NFIB: variants seen among roughly 807,000 people sequenced by gnomAD.
NFIB encodes the protein nuclear factor I B, also known as nuclear factor 1 B-type.
A neutral mutation model predicts 61.5 loss-of-function variants in NFIB; 11 were observed. The ratio of observed to expected loss-of-function variants is 0.18; its 90% CI spans 0.11 to 0.30. NFIB has a LOEUF of 0.30. NFIB is among the 10% of genes least tolerant of loss of function. NFIB has a pLI of 1.00. For synonymous variants in NFIB, 260 were observed against 216.5 expected (o/e 1.20, Z -1.76); for missense variants, 471 against 608.9 (o/e 0.77, Z 2.38).
chr9:14,326,593 C>A (rs1474538642), intron 1 of NFIB, among the ~76,000 whole-genome samples: 1 of 151,904 alleles, frequency 6.6e-6, no homozygotes, highest in South Asian at 2.1e-4. Flanking sequence ...CCTTACCAAC[C>A]CCCGGCTATG....
intron 1 of NFIB, among the ~76,000 whole-genome samples, chr9:14,366,279 C>A (rs910714587): frequency 6.6e-6 from 1 of 152,150 alleles, no homozygotes; most frequent in Non-Finnish European, 1.5e-5. Context: ...TTTCTTTTAA[C>A]CTCGCGTCTG....
chr9:14,380,471 A>G (rs1372073832), intron 1 of NFIB, among the ~76,000 whole-genome samples: 1 of 152,224 alleles, frequency 6.6e-6, no homozygotes, highest in African/African-American at 2.4e-5. Flanking sequence ...GTCTTCATTC[A>G]CTTTGCATCA....
At chr9:14,489,094 C>T in the NFIB span, among the ~76,000 whole-genome samples, 3 of 152,144 alleles carry the variant, frequency 2.0e-5, no homozygotes, top group South Asian at 2.1e-4. Context: ...TTTCCTCCAG[C>T]GGAAAGAATA....
At chr9:14,208,277 T>C (rs1395286456) in intron 2 of NFIB, among the ~76,000 whole-genome samples, 2 of 152,186 alleles carry the variant, frequency 1.3e-5, no homozygotes, top group East Asian at 1.9e-4. Context: ...ACGTGTTCAG[T>C]GTAGTGGCAG....
chr9:14,259,707 C>G (rs1165322918), intron 2 of NFIB, among the ~76,000 whole-genome samples: 1 of 152,102 alleles, frequency 6.6e-6, no homozygotes, highest in South Asian at 2.1e-4. Context: ...TTAAGACCAG[C>G]GTGGGAAACA....
intron 3 of NFIB, among the ~76,000 whole-genome samples, chr9:14,177,835 T>TA (rs765718885): frequency 6.6e-6 from 1 of 152,088 alleles, no homozygotes. Context: ...AACAGAGAAA[T>TA]AAAGAGATGC....
the NFIB span, among the ~76,000 whole-genome samples, chr9:14,453,514 CA>C: frequency 6.6e-6 from 1 of 152,322 alleles, no homozygotes; most frequent in East Asian, 1.9e-4. Flanking sequence ...TTAATGTCAA[CA>C]GAGACATATG....
At chr9:14,198,096 G>A (rs773688655) in intron 2 of NFIB, among the ~76,000 whole-genome samples, 2 of 152,056 alleles carry the variant, frequency 1.3e-5, no homozygotes, top group Non-Finnish European at 2.9e-5. Flanking sequence ...TCAGGTTTAG[G>A]CACTTTAAGA....
chr9:14,236,571 T>G (rs2053767919), intron 2 of NFIB, among the ~76,000 whole-genome samples: 1 of 152,224 alleles, frequency 6.6e-6, no homozygotes, highest in African/African-American at 2.4e-5. Context: ...CGTGCTGGAC[T>G]AACTGAAGAG....
intron 6 of NFIB, among the ~76,000 whole-genome samples, chr9:14,127,665 C>G (rs958724127): frequency 2.0e-5 from 3 of 152,042 alleles, no homozygotes; most frequent in Non-Finnish European, 2.9e-5. Context: ...CCTTATGGTG[C>G]TATTAATATG....
At chr9:14,502,707 T>G in the NFIB span, among the ~76,000 whole-genome samples, 1 of 152,204 alleles carries the variant, frequency 6.6e-6, no homozygotes, top group Non-Finnish European at 1.5e-5. Flanking sequence ...AAGTTTTATT[T>G]ATTTTTATTT....
chr9:14,392,002 A>G (rs1355017111), intron 1 of NFIB, among the ~76,000 whole-genome samples: 1 of 152,192 alleles, frequency 6.6e-6, no homozygotes, highest in Admixed American at 6.5e-5. Flanking sequence ...ACCCAGGTGG[A>G]TTCTCTGCTG....
chr9:14,375,391 C>T (rs1200726815), intron 1 of NFIB, among the ~76,000 whole-genome samples: 1 of 152,206 alleles, frequency 6.6e-6, no homozygotes, highest in Non-Finnish European at 1.5e-5. Context: ...GGTGCAGTGG[C>T]TCATGCCTGT....
the NFIB span, among the ~76,000 whole-genome samples, chr9:14,433,912 G>C: frequency 1.3e-5 from 2 of 151,894 alleles, no homozygotes; most frequent in East Asian, 3.9e-4. Context: ...GATCAGCCTC[G>C]TTCTCTTCCA....
intron 2 of NFIB, among the ~76,000 whole-genome samples, chr9:14,223,052 C>T (rs1205103101): frequency 6.6e-6 from 1 of 152,058 alleles, no homozygotes; most frequent in Admixed American, 6.5e-5. Context: ...CTAACAATAG[C>T]TGATGAACTT....
chr9:14,250,003 T>C (rs1205989010), intron 2 of NFIB, among the ~76,000 whole-genome samples: 1 of 152,218 alleles, frequency 6.6e-6, no homozygotes, highest in African/African-American at 2.4e-5. Flanking sequence ...GTTTCACCTA[T>C]TCCTAACTCC....
At chr9:14,531,669 A>T in the NFIB span, among the ~76,000 whole-genome samples, 3 of 142,546 alleles carry the variant, frequency 2.1e-5, no homozygotes. Context: ...GACCGACTGT[A>T]CCATTTGCAT....
chr9:14,355,509 G>C (rs1243341889), intron 1 of NFIB, among the ~76,000 whole-genome samples: 1 of 152,192 alleles, frequency 6.6e-6, no homozygotes, highest in Non-Finnish European at 1.5e-5. Context: ...ATTATGTACA[G>C]CCATTTGGAG....
intron 2 of NFIB, among the ~76,000 whole-genome samples, chr9:14,196,327 G>C (rs954447542): frequency 3.9e-5 from 6 of 152,116 alleles, no homozygotes; most frequent in Non-Finnish European, 8.8e-5. Flanking sequence ...AAATCAAAGA[G>C]AGCTTTAAAA....
Sources: allele counts gnomAD v4.1 joint callset (sites outside exome capture counted in the v4.1 genomes callset), GRCh38; gene constraint gnomAD v4.1.1; transcripts MANE v1.5; gene names NCBI Gene and HGNC (gene_info 2026-07-23, HGNC 2026-07-21).